Variants in FOCAD observed in about 807,000 individuals in gnomAD.
FOCAD encodes the protein KIAA1797.
In FOCAD, 198 loss-of-function variants were observed where a neutral mutation model predicts 225.6. That is an observed-to-expected ratio of 0.88 (90% confidence interval 0.78 to 0.99). The LOEUF is 0.99. FOCAD is among the 50% of genes least tolerant of loss of function. FOCAD has a pLI of 0.00. For synonymous variants in FOCAD, 897 were observed against 755.0 expected (o/e 1.19, Z -3.08); for missense variants, 2,713 against 2,123.6 (o/e 1.28, Z -5.46).
intron 6 of FOCAD, among the ~76,000 whole-genome samples, chr9:20,759,086 A>T (rs992503236): frequency 1.3e-5 from 2 of 152,190 alleles, no homozygotes; most frequent in Admixed American, 6.5e-5. Flanking sequence ...CTTCAAGGAG[A>T]ACTACAAACC....
At chr9:20,826,835 A>C (rs1251618869) in intron 15 of FOCAD, among the ~76,000 whole-genome samples, 1 of 152,014 alleles carries the variant, frequency 6.6e-6, no homozygotes, top group Non-Finnish European at 1.5e-5. Flanking sequence ...TAGTAGTTTT[A>C]TTTATCATTA....
chr9:20,691,572 C>T (rs1487767819), intron 1 of FOCAD, among the ~76,000 whole-genome samples: 2 of 151,960 alleles, frequency 1.3e-5, no homozygotes, highest in South Asian at 2.1e-4. Flanking sequence ...AGCCGCACCT[C>T]CCGGGTTCAC....
chr9:20,738,391 A>G (rs1468763039), intron 4 of FOCAD, among the ~76,000 whole-genome samples: 2 of 152,222 alleles, frequency 1.3e-5, no homozygotes, highest in Admixed American at 6.5e-5. Context: ...CCAAAGTACC[A>G]TAGAATTGAC....
intron 38 of FOCAD, 30 bp from the exon 39 acceptor site, chr9:20,982,327 G>A (rs1840770297): frequency 6.8e-7 from 1 of 1,478,208 alleles, no homozygotes; most frequent in East Asian, 2.3e-5. Flanking sequence ...TACACTGTTT[G>A]TTGACATGTT....
chr9:20,993,315 G>A lies in FOCAD; in HGVS notation c.5319G>A (p.Arg1773=), dbSNP rs184634751. The A allele has an allele frequency of 8.7e-6, 14 of 1,613,584 alleles. No homozygotes were observed. The African/African-American group carries it at 1.7e-4, about 20-fold the overall frequency. Residue 1773 remains arginine (R), a synonymous_variant, in exon 43 of 44, where the codon AGG becomes AGA. Coordinates refer to ENST00000338382, the MANE Select transcript of FOCAD (RefSeq NM_001375567.1). ...SPKEALSAQS[R]DLLKATLLSL... Reference sequence around the variant, plus strand: ...AAGAAGCCCTCTCAGCACAGTCCAGGGATCTTTTGAAAGGTATTACTTCCA... The same window carrying A: ...AAGAAGCCCTCTCAGCACAGTCCAGAGATCTTTTGAAAGGTATTACTTCCA...
At chr9:20,759,262 T>G (rs1182714881) in intron 6 of FOCAD, among the ~76,000 whole-genome samples, 1 of 152,180 alleles carries the variant, frequency 6.6e-6, no homozygotes, top group Non-Finnish European at 1.5e-5. Flanking sequence ...AAGTCAATCC[T>G]AAGCCAAAAG....
At position 20,764,851 on chromosome 9, in the gene FOCAD, G is replaced by C. The variant is rs1829917729; in HGVS notation, c.495-18G>C. The C allele has an allele frequency of 6.2e-7, 1 of 1,600,384 alleles. No homozygotes were observed. Among genetic ancestry groups the C allele is most frequent in the African/African-American group, 1.3e-5 (1 of 74,772 alleles). ...GTGTTTAACTCAATAACTGGCTAAT[G>C]TATTTCATGTCTTATAGGTTAGAAG... On this transcript the variant is annotated intron_variant, in intron 6 of 43. Coordinates refer to ENST00000338382, the MANE Select transcript of FOCAD (RefSeq NM_001375567.1).
At chr9:20,675,309 A>G (rs1278851626) in intron 2 of FOCAD, among the ~76,000 whole-genome samples, 2 of 152,238 alleles carry the variant, frequency 1.3e-5, no homozygotes, top group African/African-American at 4.8e-5. Context: ...TTACATAAAA[A>G]TATATACCAG....
chr9:20,942,514 C>A (rs1034741709), intron 28 of FOCAD, among the ~76,000 whole-genome samples: 2 of 152,194 alleles, frequency 1.3e-5, no homozygotes, highest in African/African-American at 4.8e-5. Flanking sequence ...TTGGTTGAAT[C>A]TTGCATGATA....
chr9:20,722,791 C>G (rs1203274971), intron 4 of FOCAD, among the ~76,000 whole-genome samples: 1 of 152,074 alleles, frequency 6.6e-6, no homozygotes, highest in Non-Finnish European at 1.5e-5. Context: ...GTGCAAGCCA[C>G]CTAGATTTTA....
intron 8 of FOCAD, among the ~76,000 whole-genome samples, chr9:20,772,278 A>G (rs965886332): frequency 6.6e-6 from 1 of 152,152 alleles, no homozygotes; most frequent in African/African-American, 2.4e-5. Flanking sequence ...TGAGGTATGT[A>G]TGGATCATAC....
intron 16 of FOCAD, 86 bp downstream of exon 16, chr9:20,862,798 C>CTGTTGT (rs142288658): frequency 2.8e-6 from 4 of 1,444,100 alleles, no homozygotes; most frequent in African/African-American, 1.4e-5. Flanking sequence ...TATTCCTAAT[C>CTGTTGT]TGTTGTTGTT....
rs183805621 is a variant in FOCAD at position 20,806,521 on chromosome 9, G to C, written c.1456-13275G>C. On this transcript the variant is annotated intron_variant, in intron 11 of 43. Coordinates refer to ENST00000338382, the MANE Select transcript of FOCAD (RefSeq NM_001375567.1). Reference sequence around the variant, plus strand: ...AGCTACAGAACAAGAATTAAAACTTGATAAGGGGCATCCATAGATCAAATA... The same window carrying C: ...AGCTACAGAACAAGAATTAAAACTTCATAAGGGGCATCCATAGATCAAATA... 2.7e-3 allele frequency among the ~76,000 whole-genome samples: 417 copies of C among 152,170 alleles called. 1 individual carries two copies. The highest frequency in any genetic ancestry group is 8.8e-3 in the African/African-American group (366 of 41,534).
intron 11 of FOCAD, among the ~76,000 whole-genome samples, chr9:20,815,139 T>TTTTTTTG (rs1383092839): frequency 1.3e-5 from 1 of 75,866 alleles, no homozygotes; most frequent in African/African-American, 5.1e-5. Context: ...TTTTTTTTGT[T>TTTTTTTG]TTTTTTTTTT....
intron 5 of FOCAD, among the ~76,000 whole-genome samples, chr9:20,747,599 A>G (rs1176017801): frequency 2.0e-5 from 3 of 151,808 alleles, no homozygotes; most frequent in African/African-American, 7.3e-5. Flanking sequence ...ATTCCCCAAT[A>G]CTCTCTATTC....
intron 4 of FOCAD, among the ~76,000 whole-genome samples, chr9:20,734,950 C>T (rs1248448176): frequency 6.6e-6 from 1 of 152,044 alleles, no homozygotes; most frequent in Non-Finnish European, 1.5e-5. Context: ...AAGGGTATGT[C>T]TATAGGATGG....
At chr9:20,958,266 TAAA>T (rs1464227199) in intron 35 of FOCAD, among the ~76,000 whole-genome samples, 1 of 152,008 alleles carries the variant, frequency 6.6e-6, no homozygotes, top group Admixed American at 6.6e-5. Context: ...ATGATAACAA[TAAA>T]AACCAGTCAG....
At chr9:20,770,642 G>A in intron 8 of FOCAD, among the ~76,000 whole-genome samples, 1 of 152,184 alleles carries the variant, frequency 6.6e-6, no homozygotes, top group Non-Finnish European at 1.5e-5. Context: ...GATTTGGGCA[G>A]GGGCATAGAT....
intron 35 of FOCAD, among the ~76,000 whole-genome samples, chr9:20,964,280 T>A (rs1471739545): frequency 6.6e-6 from 1 of 152,070 alleles, no homozygotes; most frequent in Non-Finnish European, 1.5e-5. Context: ...GGCAGGAGAA[T>A]CGCTTGAGCC....
Sources: gnomAD v4.1 joint callset for allele counts (sites outside exome capture counted in the v4.1 genomes callset) on GRCh38, gnomAD v4.1.1 for gene constraint, MANE v1.5 for transcripts, NCBI Gene and HGNC (gene_info 2026-07-23, HGNC 2026-07-21) for gene names.